LAMA3: variants seen among roughly 807,000 people sequenced by gnomAD.
The protein encoded by LAMA3 is laminin subunit alpha-3.
In LAMA3, 281 loss-of-function variants were observed where a neutral mutation model predicts 402.0. The observed-to-expected ratio is 0.70, with a 90% CI of 0.63 to 0.77. LAMA3 has a LOEUF of 0.77. Among genes scored for constraint, LAMA3 ranks in the 30% least tolerant of loss-of-function variants. The pLI, the probability that LAMA3 is intolerant of heterozygous loss-of-function variation, is 0.00. For synonymous variants in LAMA3, 1,431 were observed against 1,558.4 expected (o/e 0.92, Z 1.93); for missense variants, 3,840 against 4,215.5 (o/e 0.91, Z 2.47).
At chr18:23,756,104 A>G (rs1481840236) in intron 6 of LAMA3, among the ~76,000 whole-genome samples, 1 of 152,178 alleles carries the variant, frequency 6.6e-6, no homozygotes, top group Non-Finnish European at 1.5e-5. Context: ...TGCCTCTCCA[A>G]CAAGGGCCCA....
In LAMA3 at chr18:23,871,426, T is replaced by C. The variant is rs2144814357; in HGVS notation, c.4768-5T>C. 1 of 1,612,802 alleles carries C rather than the reference T, an allele frequency of 6.2e-7. No homozygotes were observed. The highest frequency in any genetic ancestry group is 2.2e-5 in the East Asian group (1 of 44,878). ...AAGACCCTGACTTTCTGTTTCCATG[T>C]GTAGGGAAACTTCAGACATGCCAGC... is the stretch of plus-strand genomic sequence containing the variant. On this transcript the variant is annotated splice_polypyrimidine_tract_variant and splice_region_variant and intron_variant, in intron 37 of 74. Transcript: ENST00000313654.
At position 23,949,849 on chromosome 18, in the gene LAMA3, G is replaced by A. The variant is rs78615698; in HGVS notation, c.9436G>A (p.Gly3146Arg). 415 of 1,613,894 alleles carry A rather than the reference G, an allele frequency of 2.6e-4. 2 individuals carry two copies. In the African/African-American group the frequency reaches 5.2e-3, roughly 20 times the overall value. ...KPLYTPSSSF[G>R]VSSCLGGPLE... ...CTTGTATACCCCTTCTTCAAGCTTCGGGGTGTCTTCCTGCTTGGGTGGTCC... is the reference window on the plus strand; with the variant it reads ...CTTGTATACCCCTTCTTCAAGCTTCAGGGTGTCTTCCTGCTTGGGTGGTCC... Residue 3146 changes from glycine to arginine, a missense_variant, in exon 71 of 75, where the codon GGG becomes AGG. By Grantham distance (125) the Gly-to-Arg change is moderately radical (BLOSUM62 -2). Coordinates refer to ENST00000313654, the MANE Select transcript of LAMA3 (RefSeq NM_198129.4).
intron 23 of LAMA3, among the ~76,000 whole-genome samples, chr18:23,832,802 G>A (rs1433779708): frequency 5.3e-5 from 8 of 152,092 alleles, no homozygotes; most frequent in Non-Finnish European, 1.2e-4. Context: ...TTGCATGTAA[G>A]TGTATTTGCA....
intron 34 of LAMA3, among the ~76,000 whole-genome samples, chr18:23,859,683 T>C (rs958566901): frequency 1.3e-5 from 2 of 152,242 alleles, no homozygotes; most frequent in Non-Finnish European, 2.9e-5. Context: ...CCTCCTGGCA[T>C]GCAGACGTGT....
chr18:23,942,038 A>G (rs1257493174), intron 68 of LAMA3, among the ~76,000 whole-genome samples: 3 of 152,218 alleles, frequency 2.0e-5, no homozygotes, highest in Non-Finnish European at 2.9e-5. Context: ...CATTGCCCTC[A>G]AGGAAACTTG....
At chr18:23,735,269 C>T (rs1467437320) in intron 2 of LAMA3, among the ~76,000 whole-genome samples, 2 of 152,182 alleles carry the variant, frequency 1.3e-5, no homozygotes, top group Non-Finnish European at 2.9e-5. Flanking sequence ...TCAAAAGATT[C>T]CCTGGGATTT....
intron 13 of LAMA3, among the ~76,000 whole-genome samples, chr18:23,812,403 A>G (rs760766303): frequency 2.6e-5 from 4 of 152,214 alleles, no homozygotes; most frequent in Non-Finnish European, 5.9e-5. Context: ...GACAGAAGCA[A>G]ACAAAGCCAA....
intron 8 of LAMA3, among the ~76,000 whole-genome samples, chr18:23,766,216 C>G (rs958498731): frequency 1.3e-5 from 2 of 152,032 alleles, no homozygotes; most frequent in Non-Finnish European, 2.9e-5. Context: ...ACAGAGAAAA[C>G]ATTACAACAT....
intron 2 of LAMA3, among the ~76,000 whole-genome samples, chr18:23,740,948 C>G (rs2061551599): frequency 6.6e-6 from 1 of 151,142 alleles, no homozygotes; most frequent in Non-Finnish European, 1.5e-5. Flanking sequence ...AGACCTAAAC[C>G]AAGCACACTT....
intron 55 of LAMA3, among the ~76,000 whole-genome samples, chr18:23,911,235 A>T (rs2081415121): frequency 6.6e-6 from 1 of 152,078 alleles, no homozygotes; most frequent in Non-Finnish European, 1.5e-5. Context: ...CAAATGTGGG[A>T]CCCCATCGCT....
At chr18:23,901,358 A>G (rs1486652750) in intron 48 of LAMA3, 35 bp downstream of exon 48, 5 of 1,552,918 alleles carry the variant, frequency 3.2e-6, no homozygotes, top group Non-Finnish European at 4.4e-6. Context: ...CACTTTCGTT[A>G]ATAAGGATGA....
intron 20 of LAMA3, among the ~76,000 whole-genome samples, chr18:23,823,261 G>A (rs2063322323): frequency 6.6e-6 from 1 of 152,170 alleles, no homozygotes; most frequent in Non-Finnish European, 1.5e-5. Flanking sequence ...ACTGAGGAGA[G>A]TTGAAGAGAA....
Position 23,838,793 on chromosome 18 carries a change from A to G in LAMA3, c.3106A>G (p.Ile1036Val), listed in dbSNP as rs1336404340. 5.0e-6 allele frequency: 8 copies of G among 1,604,470 alleles called. No homozygotes were observed. The East Asian group carries it at 6.7e-5, about 13-fold the overall frequency. Reference protein sequence around the residue: ...MARFLLHQVCIIPIEEFSAEY... With the variant: ...MARFLLHQVCVIPIEEFSAEY... ...ATTTGCTCACTAGCATCAAGTTTGTATCATACCTATTGAAGAATTCTCAGC... is the reference window on the plus strand; with the variant it reads ...ATTTGCTCACTAGCATCAAGTTTGTGTCATACCTATTGAAGAATTCTCAGC... The change falls in exon 26 of 75, where the codon ATC becomes GTC. Residue 1036 changes from isoleucine (I) to valine (V), a missense_variant. Ile to Val is a conservative substitution (Grantham distance 29). Transcript: ENST00000313654.
At chr18:23,821,283 AAACT>A (rs1261123013) in intron 19 of LAMA3, among the ~76,000 whole-genome samples, 3 of 152,212 alleles carry the variant, frequency 2.0e-5, no homozygotes, top group Non-Finnish European at 4.4e-5. Context: ...TTTCCATCTG[AAACT>A]AACACTTAAA....
intron 32 of LAMA3, among the ~76,000 whole-genome samples, chr18:23,849,339 G>A (rs918669520): frequency 1.3e-5 from 2 of 152,202 alleles, no homozygotes; most frequent in African/African-American, 4.8e-5. Context: ...TAAAACCACA[G>A]GTGTGAGTCC....
intron 55 of LAMA3, among the ~76,000 whole-genome samples, chr18:23,911,718 T>C (rs1364547210): frequency 6.7e-6 from 1 of 150,340 alleles, no homozygotes; most frequent in Non-Finnish European, 1.5e-5. Flanking sequence ...ATGTAATATA[T>C]CCAACAGAAG....
rs141756169 is a variant in LAMA3, at chr18:23,705,047, A to G, written c.295-8873A>G. Among the ~76,000 whole-genome samples the G allele has an allele frequency of 5.3e-3, 806 of 152,098 alleles. 8 individuals carry two copies. Among genetic ancestry groups the G allele is most frequent in the African/African-American group, 0.019 (770 of 41,500 alleles). Reference sequence around the variant, plus strand: ...CTTTCTTCATAGCCCCTTCCATTACATTTTCTGTTTCCCATCTGAATAGGC... The same window carrying G: ...CTTTCTTCATAGCCCCTTCCATTACGTTTTCTGTTTCCCATCTGAATAGGC... On this transcript the variant is annotated intron_variant, in intron 1 of 74. Transcript: ENST00000313654.
intron 1 of LAMA3, among the ~76,000 whole-genome samples, chr18:23,697,351 G>A (rs2060703176): frequency 6.6e-6 from 1 of 152,160 alleles, no homozygotes; most frequent in African/African-American, 2.4e-5. Flanking sequence ...TGAATGCATT[G>A]CAATTTTCTG....
At chr18:23,762,844 A>C (rs940546669) in intron 7 of LAMA3, among the ~76,000 whole-genome samples, 9 of 138,558 alleles carry the variant, frequency 6.5e-5, no homozygotes, top group African/African-American at 2.0e-4. Flanking sequence ...CAGCCTCCCA[A>C]GTAGTATATA....
Sources: gnomAD v4.1 joint callset for allele counts (sites outside exome capture counted in the v4.1 genomes callset) on GRCh38, gnomAD v4.1.1 for gene constraint, MANE v1.5 for transcripts, NCBI Gene and HGNC (gene_info 2026-07-23, HGNC 2026-07-21) for gene names.